SSBP2: variants seen among roughly 807,000 people sequenced by gnomAD.
The protein encoded by SSBP2 is single stranded DNA binding protein 2.
SSBP2 carries 17 observed loss-of-function variants against 61.8 expected under a neutral mutation model. That is an observed-to-expected ratio of 0.28 (90% CI 0.19 to 0.41). SSBP2 has a LOEUF of 0.41. Ranked by LOEUF, SSBP2 falls within the 10% of genes least tolerant of loss-of-function variation. SSBP2 has a pLI of 1.00. For synonymous variants in SSBP2, 139 were observed against 141.3 expected (o/e 0.98, Z 0.12); for missense variants, 310 against 458.7 (o/e 0.68, Z 2.96).
chr5:81,624,051 A>AT (rs1179565129), intron 3 of SSBP2, among the ~76,000 whole-genome samples: 4 of 152,126 alleles, frequency 2.6e-5, no homozygotes, highest in African/African-American at 9.7e-5. Context: ...AGTGTGTATT[A>AT]TTTTCCATAC....
intron 5 of SSBP2, among the ~76,000 whole-genome samples, chr5:81,490,014 G>T (rs1766733711): frequency 6.9e-6 from 1 of 145,034 alleles, no homozygotes; most frequent in East Asian, 2.0e-4. Flanking sequence ...GGGCAACACA[G>T]TAACATTTCA....
At chr5:81,451,268 C>T (rs1763750600) in intron 10 of SSBP2, among the ~76,000 whole-genome samples, 1 of 151,946 alleles carries the variant, frequency 6.6e-6, no homozygotes, top group African/African-American at 2.4e-5. Context: ...TCTTACTATA[C>T]CTTCATTTTC....
chr5:81,534,905 A>G (rs1364401887), intron 4 of SSBP2, among the ~76,000 whole-genome samples: 2 of 152,046 alleles, frequency 1.3e-5, no homozygotes, highest in African/African-American at 2.4e-5. Flanking sequence ...TAGGCATGTC[A>G]TAACTAGATT....
chr5:81,475,879 G>A (rs1765552048), intron 6 of SSBP2, among the ~76,000 whole-genome samples: 1 of 151,944 alleles, frequency 6.6e-6, no homozygotes, highest in Non-Finnish European at 1.5e-5. Flanking sequence ...AAATAAATAT[G>A]CTGATTGAAT....
intron 1 of SSBP2, among the ~76,000 whole-genome samples, chr5:81,674,873 A>G (rs1480553950): frequency 6.6e-6 from 1 of 152,202 alleles, no homozygotes; most frequent in Admixed American, 6.6e-5. Flanking sequence ...TATAGACTGT[A>G]AGTAAAATAT....
At chr5:81,715,822 C>T (rs6873194) in intron 1 of SSBP2, among the ~76,000 whole-genome samples, 13,921 of 152,012 alleles carry the variant, frequency 0.092, 2,147 homozygotes, top group African/African-American at 0.32. Flanking sequence ...TTAGGAAGGC[C>T]GAGGCAAGAG....
intron 10 of SSBP2, among the ~76,000 whole-genome samples, chr5:81,450,688 A>T (rs1004598690): frequency 6.6e-6 from 1 of 152,186 alleles, no homozygotes; most frequent in Admixed American, 6.5e-5. Flanking sequence ...TTGCATCACA[A>T]TTCCACCATG....
intron 3 of SSBP2, among the ~76,000 whole-genome samples, chr5:81,624,131 G>A (rs895645008): frequency 6.6e-6 from 1 of 152,034 alleles, no homozygotes; most frequent in Non-Finnish European, 1.5e-5. Flanking sequence ...CTACTCATCA[G>A]GAGAGTTTCA....
chr5:81,460,548 T>C (rs1280411156), intron 10 of SSBP2, among the ~76,000 whole-genome samples: 1 of 152,150 alleles, frequency 6.6e-6, no homozygotes, highest in Non-Finnish European at 1.5e-5. Flanking sequence ...GTCAGGTATA[T>C]AGAGAGATGT....
chr5:81,428,688 A>G lies in SSBP2; in HGVS notation c.958-5T>C, dbSNP rs180869620. ...GCTCATATTATTGGGAGAATTCTGTAAACAAGATTTAGAAAACAAGGCATT... is the reference window on the plus strand; with the variant it reads ...GCTCATATTATTGGGAGAATTCTGTGAACAAGATTTAGAAAACAAGGCATT... On this transcript the variant is annotated splice_polypyrimidine_tract_variant and splice_region_variant and intron_variant, in intron 15 of 16. Coordinates refer to ENST00000320672, the MANE Select transcript of SSBP2 (RefSeq NM_012446.5). 2.5e-4 allele frequency: 408 copies of G among 1,608,584 alleles called. 6 individuals carry two copies. The East Asian group carries it at 9.1e-3, about 36-fold the overall frequency.
In SSBP2 at chr5:81,751,036, C is replaced by G. The variant is rs749509548; in HGVS notation, c.7G>C (p.Gly3Arg). 3 of 1,596,784 alleles carry G rather than the reference C, an allele frequency of 1.9e-6. No homozygotes were observed. Among genetic ancestry groups the G allele is most frequent in the Non-Finnish European group, 2.6e-6 (3 of 1,171,838 alleles). ...GCGCTGCTGTTACTCTTGCCTTTGC[C>G]GTACATGCTTGTGCCGAGAGCAGCT... The change falls in exon 1 of 17, where the codon GGC (glycine) becomes CGC (arginine). Residue 3 changes from glycine (G) to arginine (R), a missense_variant. By Grantham distance (125) the Gly-to-Arg change is moderately radical (BLOSUM62 -2). This residue lies in a region of SSBP2 where 36 missense variants were observed against 27.0 expected (regional missense o/e 1.33). Coordinates refer to ENST00000320672, the MANE Select transcript of SSBP2 (RefSeq NM_012446.5).
At chr5:81,501,634 C>T (rs1767789026) in intron 5 of SSBP2, among the ~76,000 whole-genome samples, 1 of 141,962 alleles carries the variant, frequency 7.0e-6, no homozygotes, top group East Asian at 2.1e-4. Context: ...GTGATCTGGG[C>T]TCACTGCAAG....
chr5:81,570,876 C>A (rs1773785588), intron 4 of SSBP2, among the ~76,000 whole-genome samples: 1 of 152,138 alleles, frequency 6.6e-6, no homozygotes, highest in Admixed American at 6.6e-5. Context: ...ATAGGCAGTT[C>A]TTTGTAGCAA....
intron 4 of SSBP2, among the ~76,000 whole-genome samples, chr5:81,577,045 T>C (rs1021920440): frequency 6.6e-6 from 1 of 152,088 alleles, no homozygotes; most frequent in Non-Finnish European, 1.5e-5. Context: ...GTGCATATTA[T>C]AGATGGCATG....
intron 1 of SSBP2, among the ~76,000 whole-genome samples, chr5:81,660,489 T>C (rs1196902103): frequency 6.6e-6 from 1 of 152,158 alleles, no homozygotes; most frequent in Non-Finnish European, 1.5e-5. Context: ...ATGGCAATTA[T>C]TAAAACATCA....
upstream of SSBP2, chr5:81,751,380 A>G: frequency 1.3e-5 from 6 of 454,694 alleles, no homozygotes; most frequent in South Asian, 2.5e-5. Flanking sequence ...GCAAGGGGGG[A>G]ATTAGAAACT....
chr5:81,595,013 A>T (rs1743566665), intron 4 of SSBP2, among the ~76,000 whole-genome samples: 1 of 152,216 alleles, frequency 6.6e-6, no homozygotes, highest in Non-Finnish European at 1.5e-5. Context: ...TGAAGGAAAT[A>T]GAGACACAAA....
At chr5:81,474,403 G>T in intron 7 of SSBP2, 93 bp downstream of exon 7, 1 of 1,091,906 alleles carries the variant, frequency 9.2e-7, no homozygotes, top group Non-Finnish European at 1.4e-6. Context: ...AACTATAGGA[G>T]ATTTACTTAT....
chr5:81,599,423 C>A (rs898233747), intron 4 of SSBP2, among the ~76,000 whole-genome samples: 4 of 152,144 alleles, frequency 2.6e-5, no homozygotes, highest in African/African-American at 9.7e-5. Flanking sequence ...TAAACAAATA[C>A]TATATGTTTT....
Sources: gnomAD v4.1 joint callset for allele counts (sites outside exome capture counted in the v4.1 genomes callset) on GRCh38, gnomAD v4.1.1 for gene constraint, gnomAD v4.1.1 regional missense constraint, MANE v1.5 for transcripts, NCBI Gene and HGNC (gene_info 2026-07-23, HGNC 2026-07-21) for gene names.